The following REXO2 variants were observed in gnomAD, a reference collection of about 807,000 sequenced individuals.
REXO2 encodes RNA exonuclease 2, also known as oligoribonuclease, mitochondrial.
Under a neutral mutation model 30.9 loss-of-function variants are expected in REXO2, and 17 were observed. The ratio of observed to expected loss-of-function variants is 0.55; its 90% CI spans 0.38 to 0.82. The LOEUF (loss-of-function observed/expected upper bound fraction) is 0.82. REXO2 is among the 40% of genes least tolerant of loss of function. The pLI is 0.00. For missense variants in REXO2, 253 were observed against 293.2 expected (o/e 0.86, Z 1.00); for synonymous variants, 105 against 99.6 (o/e 1.05, Z -0.32).
In REXO2 at chr11:114,439,676, G is replaced by C; in HGVS notation, c.147+1G>C. On this transcript the variant is annotated splice_donor_variant, in intron 1 of 6. Coordinates refer to ENST00000265881, the MANE Select transcript of REXO2 (RefSeq NM_015523.4). LOFTEE classifies it high-confidence loss of function. ...GCGGATGGTCTGGGTGGACCTGGAG[G>C]TGAGTGAGGTCGGCGGGGGGCTTGG... The C allele has an allele frequency of 6.6e-7, 1 of 1,518,436 alleles. No homozygotes were observed. 94.1% of individuals were successfully genotyped at this position (1,518,436 alleles called of 1,614,324 possible). A position where few individuals can be genotyped will look rare whatever the true frequency, so the allele number is the denominator to read the frequency against.
chr11:114,444,250 C>T (rs2271716), intron 3 of REXO2: 156,951 of 612,044 alleles, frequency 0.26, 21,081 homozygotes, highest in East Asian at 0.42. Context: ...GATTGCTGCT[C>T]TCCTGTTAAT....
Position 114,450,117 on chromosome 11 carries a change from A to G in REXO2, c.*142A>G, listed in dbSNP as rs1946536224. On this transcript the variant is annotated 3_prime_UTR_variant, in exon 7 of 7. Coordinates refer to ENST00000265881, the MANE Select transcript of REXO2 (RefSeq NM_015523.4). ...TACTCAAGCAGACAGCACACGAAAT[A>G]CTATTTTTCTCCTAATATGCTGTTT... 2 of 767,440 alleles carry G rather than the reference A, an allele frequency of 2.6e-6. No homozygotes were observed. Among genetic ancestry groups the G allele is most frequent in the Admixed American group, 5.7e-5 (2 of 34,866 alleles). The allele number at this position is 767,440 out of a possible 1,614,324, so 47.5% of individuals were successfully genotyped here.
chr11:114,446,167 G>C (rs766729413), intron 5 of REXO2, 80 bp downstream of exon 5: 136 of 814,380 alleles, frequency 1.7e-4, no homozygotes, highest in Middle Eastern at 9.5e-4. Context: ...TAATTGGATA[G>C]AGCTGTAGAA....
chr11:114,442,937 G>C (rs1946488582), intron 2 of REXO2, among the ~76,000 whole-genome samples: 1 of 152,100 alleles, frequency 6.6e-6, no homozygotes, highest in African/African-American at 2.4e-5. Flanking sequence ...AAGTATGTGT[G>C]TAGTGAACTA....
At chr11:114,444,702 C>T in intron 4 of REXO2, 50 bp downstream of exon 4, 2 of 1,182,580 alleles carry the variant, frequency 1.7e-6, no homozygotes, top group South Asian at 1.9e-5. Context: ...TGTAGTGGTT[C>T]AAGAGACTGC....
intron 1 of REXO2, chr11:114,439,906 C>T (rs1246121480): frequency 1.2e-5 from 7 of 580,342 alleles, no homozygotes; most frequent in Non-Finnish European, 2.1e-5. Flanking sequence ...CTCCGTGTGG[C>T]TTCTTCTCCT....
At chr11:114,449,626 A>G (rs1377227908) in intron 6 of REXO2, among the ~76,000 whole-genome samples, 1 of 152,114 alleles carries the variant, frequency 6.6e-6, no homozygotes, top group Non-Finnish European at 1.5e-5. Flanking sequence ...GGAAACTTTA[A>G]TCTTCTATAT....
At chr11:114,449,667 AAAAC>A (rs536014107) in intron 6 of REXO2, among the ~76,000 whole-genome samples, 175 bp from the exon 7 acceptor site, 31 of 152,306 alleles carry the variant, frequency 2.0e-4, no homozygotes, top group African/African-American at 6.5e-4. Context: ...AAGTTTTTAA[AAAAC>A]AAAGCATTTA....
intron 6 of REXO2, among the ~76,000 whole-genome samples, chr11:114,448,701 G>A (rs939324741): frequency 6.6e-6 from 1 of 152,208 alleles, no homozygotes; most frequent in Non-Finnish European, 1.5e-5. Flanking sequence ...GGTTTGAGAA[G>A]CAGCCCATAA....
chr11:114,440,492 G>A (rs1356965349), intron 1 of REXO2, among the ~76,000 whole-genome samples, 164 bp from the exon 2 acceptor site: 1 of 152,170 alleles, frequency 6.6e-6, no homozygotes, highest in African/African-American at 2.4e-5. Context: ...ACGAGGACTC[G>A]TGTTTAGTAC....
chr11:114,447,963 A>C (rs1296601317), intron 6 of REXO2, 84 bp downstream of exon 6: 4 of 1,023,464 alleles, frequency 3.9e-6, no homozygotes, highest in East Asian at 4.8e-5. Context: ...AATGTCCCTT[A>C]ACTCTTTTTT....
At chr11:114,447,919 A>G in intron 6 of REXO2, 40 bp downstream of exon 6, 5 of 1,521,458 alleles carry the variant, frequency 3.3e-6, no homozygotes, top group Non-Finnish European at 3.6e-6. Flanking sequence ...AGTCTGACAC[A>G]CACTTAACTC....
Position 114,450,089 on chromosome 11 carries a change from G to A in REXO2, c.*114G>A. ...TTCGGTTAACTTGCATCTCCAGATT[G>A]ATTACTCAAGCAGACAGCACACGAA... On this transcript the variant is annotated 3_prime_UTR_variant, in exon 7 of 7. Transcript: ENST00000265881. 9.6e-7 allele frequency: 1 copy of A among 1,046,864 alleles called. No individual in the cohort carries two copies. The highest frequency in any genetic ancestry group is 1.6e-5 in the South Asian group (1 of 62,610). 64.8% of individuals were successfully genotyped at this position (1,046,864 alleles called of 1,614,324 possible).
chr11:114,444,221 T>A (rs928694395), intron 3 of REXO2: 2 of 610,142 alleles, frequency 3.3e-6, no homozygotes, highest in Non-Finnish European at 6.1e-6. Flanking sequence ...AGGTTAGACA[T>A]CAACTTTCAG....
chr11:114,444,700 T>A, intron 4 of REXO2, 48 bp downstream of exon 4: 1 of 1,212,808 alleles, frequency 8.2e-7, no homozygotes, highest in Non-Finnish European at 1.1e-6. Context: ...TATGTAGTGG[T>A]TCAAGAGACT....
At chr11:114,441,838 A>G in intron 2 of REXO2, 4 of 695,442 alleles carry the variant, frequency 5.8e-6, no homozygotes, top group Non-Finnish European at 1.0e-5. Context: ...GAGAATCATG[A>G]GACTTTGTAC....
At chr11:114,447,937 C>A (rs61906284) in intron 6 of REXO2, 58 bp downstream of exon 6, 19,404 of 1,329,198 alleles carry the variant, frequency 0.015, 160 homozygotes, top group Non-Finnish European at 0.018. Flanking sequence ...CTCCCAAATT[C>A]CTGACTGCTT....
chr11:114,444,757 C>T, intron 4 of REXO2, 105 bp downstream of exon 4: 1 of 597,222 alleles, frequency 1.7e-6, no homozygotes, highest in Non-Finnish European at 2.6e-6. Context: ...TTCCACTTAA[C>T]CCTGCTTTGG....
intron 2 of REXO2, among the ~76,000 whole-genome samples, chr11:114,441,477 A>G (rs1252358478): frequency 6.6e-6 from 1 of 152,238 alleles, no homozygotes; most frequent in Admixed American, 6.5e-5. Context: ...AACAAAACAC[A>G]CCTGCTGCAT....
Sources: gnomAD v4.1 joint callset for allele counts (sites outside exome capture counted in the v4.1 genomes callset) on GRCh38, gnomAD v4.1.1 for gene constraint, MANE v1.5 for transcripts, NCBI Gene and HGNC (gene_info 2026-07-23, HGNC 2026-07-21) for gene names.